Variants in FBXW7 observed in about 807,000 individuals in gnomAD.
FBXW7 encodes the protein F-box/WD repeat-containing protein 7.
FBXW7 carries 11 observed loss-of-function variants against 86.3 expected under a neutral mutation model. The observed-to-expected ratio is 0.13, with a 90% confidence interval of 0.08 to 0.21. The LOEUF (loss-of-function observed/expected upper bound fraction) is 0.21, where lower values mean the gene tolerates loss of function less well. Among genes scored for constraint, FBXW7 ranks in the 10% least tolerant of loss-of-function variants. The pLI is 1.00. For synonymous variants in FBXW7, 313 were observed against 297.9 expected (o/e 1.05, Z -0.52); for missense variants, 488 against 847.4 (o/e 0.58, Z 5.27).
At chr4:152,426,860 C>T (rs953342548) in intron 2 of FBXW7, among the ~76,000 whole-genome samples, 10 of 151,856 alleles carry the variant, frequency 6.6e-5, no homozygotes, top group Non-Finnish European at 1.0e-4. Flanking sequence ...AGAATAGAGA[C>T]GAAGGAAAGA....
chr4:152,486,820 T>C (rs1246640649), intron 2 of FBXW7, among the ~76,000 whole-genome samples: 1 of 152,156 alleles, frequency 6.6e-6, no homozygotes, highest in Non-Finnish European at 1.5e-5. Flanking sequence ...CTGTACACAA[T>C]TATATGTGCT....
chr4:152,493,490 A>T (rs1417593427), intron 2 of FBXW7, among the ~76,000 whole-genome samples: 1 of 152,150 alleles, frequency 6.6e-6, no homozygotes, highest in Non-Finnish European at 1.5e-5. Context: ...AAACTGTTTA[A>T]ACCTGCTAGG....
intron 7 of FBXW7, among the ~76,000 whole-genome samples, chr4:152,335,481 G>C (rs1729983518): frequency 6.6e-6 from 1 of 152,098 alleles, no homozygotes; most frequent in Non-Finnish European, 1.5e-5. Context: ...CAACCGCTAT[G>C]GTAGGGAGTT....
intron 2 of FBXW7, among the ~76,000 whole-genome samples, chr4:152,476,685 A>G (rs2149662126): frequency 6.6e-6 from 1 of 152,326 alleles, no homozygotes; most frequent in Admixed American, 6.5e-5. Flanking sequence ...CAGATAAATC[A>G]GAGTGGTATA....
At position 152,329,765 on chromosome 4, in the gene FBXW7, A is replaced by G. The variant is rs377257045; in HGVS notation, c.1143T>C (p.Asp381=). 8 of 1,580,712 alleles carry G rather than the reference A, an allele frequency of 5.1e-6. No homozygotes were observed. The highest frequency in any genetic ancestry group is 6.9e-6 in the Non-Finnish European group (8 of 1,164,946). ...KSPKVLKGHD[D]HVITCLQFCG... ...AAAACTGTAAGCATGTGATCACATG[A>G]TCATCATGTCCTTTCAGCACCTATA... The change falls in exon 10 of 14, where the codon GAT becomes GAC. Residue 381 remains aspartate, a synonymous_variant. Coordinates refer to ENST00000281708, the MANE Select transcript of FBXW7 (RefSeq NM_001349798.2).
In FBXW7 at chr4:152,407,537, G is replaced by T. The variant is rs1737525936; in HGVS notation, c.501+3766C>A. Among the ~76,000 whole-genome samples, 3 of 152,184 alleles carry T rather than the reference G, an allele frequency of 2.0e-5. No individual in the cohort carries two copies. In the South Asian group the frequency reaches 6.2e-4, roughly 31 times the overall value. On this transcript the variant is annotated intron_variant, in intron 4 of 13. Coordinates refer to ENST00000281708, the MANE Select transcript of FBXW7 (RefSeq NM_001349798.2). Reference sequence around the variant, plus strand: ...CTTAGAGCCCTGTTATATTTCCAATGTTAGCCACATTATCCTACAAAGCTG... The same window carrying T: ...CTTAGAGCCCTGTTATATTTCCAATTTTAGCCACATTATCCTACAAAGCTG...
At chr4:152,495,307 G>A (rs754640604) in intron 2 of FBXW7, among the ~76,000 whole-genome samples, 45 of 151,938 alleles carry the variant, frequency 3.0e-4, no homozygotes, top group Non-Finnish European at 5.1e-4. Context: ...TGGGTATGGT[G>A]GCACACACCT....
At chr4:152,348,284 T>C (rs1360282469) in intron 5 of FBXW7, among the ~76,000 whole-genome samples, 1 of 152,076 alleles carries the variant, frequency 6.6e-6, no homozygotes, top group Non-Finnish European at 1.5e-5. Flanking sequence ...AGCAATTAAA[T>C]CTATCTTTTC....
intron 5 of FBXW7, among the ~76,000 whole-genome samples, chr4:152,348,006 T>C (rs749382523): frequency 1.3e-5 from 2 of 152,122 alleles, no homozygotes; most frequent in Non-Finnish European, 2.9e-5. Flanking sequence ...TTTAACAAAA[T>C]TATATTTGAA....
chr4:152,476,180 A>G (rs1213994959), intron 2 of FBXW7, among the ~76,000 whole-genome samples: 6 of 152,212 alleles, frequency 3.9e-5, no homozygotes, highest in Non-Finnish European at 8.8e-5. Context: ...ACTTACAAAT[A>G]AGGGCAATTG....
intron 2 of FBXW7, among the ~76,000 whole-genome samples, chr4:152,521,809 ATTTTTTT>A (rs575881137): frequency 9.9e-6 from 1 of 100,692 alleles, no homozygotes; most frequent in African/African-American, 4.6e-5. Flanking sequence ...TAAGGGTCCA[ATTTTTTT>A]TTTTTTTTTT....
At chr4:152,431,850 TAC>T (rs1739919947) in intron 2 of FBXW7, among the ~76,000 whole-genome samples, 2 of 152,236 alleles carry the variant, frequency 1.3e-5, no homozygotes, top group Admixed American at 1.3e-4. Context: ...ACTAGTTTTA[TAC>T]AGTGGTGGGC....
At chr4:152,477,212 A>C (rs1744494157) in intron 2 of FBXW7, among the ~76,000 whole-genome samples, 1 of 152,160 alleles carries the variant, frequency 6.6e-6, no homozygotes, top group Non-Finnish European at 1.5e-5. Flanking sequence ...GTAAAATGTC[A>C]AGATTCTTCA....
intron 2 of FBXW7, chr4:152,530,644 T>A (rs1749948859): frequency 6.6e-6 from 1 of 152,234 alleles, no homozygotes; most frequent in African/African-American, 2.4e-5. Flanking sequence ...AGAATCATTT[T>A]AAATGAACTC....
At chr4:152,496,375 T>A (rs982056741) in intron 2 of FBXW7, among the ~76,000 whole-genome samples, 33 of 151,764 alleles carry the variant, frequency 2.2e-4, no homozygotes, top group Non-Finnish European at 3.8e-4. Flanking sequence ...AAAAAAAATC[T>A]AATGAAGACT....
At chr4:152,384,632 A>G (rs1371804256) in intron 4 of FBXW7, among the ~76,000 whole-genome samples, 1 of 152,066 alleles carries the variant, frequency 6.6e-6, no homozygotes, top group Non-Finnish European at 1.5e-5. Flanking sequence ...AAATATATTT[A>G]GTGCCACTGA....
At chr4:152,443,128 G>A (rs1458303914) in intron 2 of FBXW7, among the ~76,000 whole-genome samples, 1 of 152,124 alleles carries the variant, frequency 6.6e-6, no homozygotes, top group African/African-American at 2.4e-5. Flanking sequence ...CGGGCGTGGT[G>A]GTGCATGCCT....
chr4:152,383,027 T>G (rs1457122191), intron 4 of FBXW7, among the ~76,000 whole-genome samples: 4 of 152,180 alleles, frequency 2.6e-5, no homozygotes, highest in Non-Finnish European at 5.9e-5. Flanking sequence ...CTGTATACTC[T>G]GGTTCTCTAA....
chr4:152,324,706 C>A, intron 12 of FBXW7: 3 of 294,806 alleles, frequency 1.0e-5, no homozygotes, highest in Non-Finnish European at 1.3e-5. Flanking sequence ...ATCATCTGGC[C>A]CCACCTAGCT....
Sources: gnomAD v4.1 joint callset for allele counts (sites outside exome capture counted in the v4.1 genomes callset) on GRCh38, gnomAD v4.1.1 for gene constraint, MANE v1.5 for transcripts, NCBI Gene and HGNC (gene_info 2026-07-23, HGNC 2026-07-21) for gene names.